The following PKP4 variants were observed in gnomAD, a reference collection of about 807,000 sequenced individuals.
The protein encoded by PKP4 is plakophilin 4.
Under a neutral mutation model 145.1 loss-of-function variants are expected in PKP4, and 90 were observed. The observed-to-expected ratio is 0.62, with a 90% CI of 0.52 to 0.74. The LOEUF is 0.74. Ranked by LOEUF, PKP4 falls within the 30% of genes least tolerant of loss-of-function variation. The pLI, the probability that PKP4 is intolerant of heterozygous loss-of-function variation, is 0.00. For missense variants in PKP4, 1,340 were observed against 1,482.7 expected (o/e 0.90, Z 1.58); for synonymous variants, 563 against 577.2 (o/e 0.98, Z 0.35).
chr2:158,666,375 C>G, intron 15 of PKP4, 38 bp from the exon 16 acceptor site: 1 of 1,509,896 alleles, frequency 6.6e-7, no homozygotes, highest in Non-Finnish European at 8.8e-7. Context: ...GACTGGAACT[C>G]TGTTTTATGT....
intron 1 of PKP4, among the ~76,000 whole-genome samples, chr2:158,480,929 C>G (rs1349785185): frequency 6.6e-6 from 1 of 152,146 alleles, no homozygotes; most frequent in Non-Finnish European, 1.5e-5. Flanking sequence ...ATGGATTCGC[C>G]TCTTCTGGAC....
At chr2:158,605,590 TTTTC>T (rs1181921758) in intron 4 of PKP4, among the ~76,000 whole-genome samples, 6 of 152,272 alleles carry the variant, frequency 3.9e-5, no homozygotes, top group African/African-American at 9.6e-5. Flanking sequence ...CTTAACAGCC[TTTTC>T]TTTCTTTATG....
At position 158,628,784 on chromosome 2, in the gene PKP4, G is replaced by A. The variant is rs186143747; in HGVS notation, c.1154-2969G>A. Among the ~76,000 whole-genome samples the A allele has an allele frequency of 1.2e-4, 18 of 152,268 alleles. No individual in the cohort carries two copies. In the South Asian group the frequency reaches 1.5e-3, roughly 12 times the overall value. On this transcript the variant is annotated intron_variant, in intron 7 of 21. Coordinates refer to ENST00000389759, the MANE Select transcript of PKP4 (RefSeq NM_003628.6). Reference sequence around the variant, plus strand: ...AAAATGAGAATATAACATTGTAATCGTGGTGCAGAATGCTTTGTCTTATTT... The same window carrying A: ...AAAATGAGAATATAACATTGTAATCATGGTGCAGAATGCTTTGTCTTATTT...
chr2:158,626,971 A>G (rs1186515960), intron 7 of PKP4, among the ~76,000 whole-genome samples: 2 of 152,142 alleles, frequency 1.3e-5, no homozygotes, highest in Admixed American at 6.5e-5. Context: ...ACATTCTTAC[A>G]TAGTAAAATT....
chr2:158,474,383 C>T (rs1451456411), intron 1 of PKP4, among the ~76,000 whole-genome samples: 1 of 152,150 alleles, frequency 6.6e-6, no homozygotes, highest in African/African-American at 2.4e-5. Flanking sequence ...ACCAAAAGAT[C>T]TAGGCTGTGT....
intron 1 of PKP4, among the ~76,000 whole-genome samples, chr2:158,482,683 C>A (rs7570914): frequency 0.91 from 138,147 of 152,122 alleles, 62,815 homozygotes; most frequent in East Asian, 0.98. Flanking sequence ...AAAAAATAAG[C>A]AAATTAACTG....
chr2:158,561,936 AC>A (rs1203000284), intron 2 of PKP4, among the ~76,000 whole-genome samples: 520 of 41,646 alleles, frequency 0.012, 3 homozygotes, highest in African/African-American at 0.041. Context: ...CCAGCCCCCC[AC>A]CCCCCGACAG....
chr2:158,603,058 CT>C lies in PKP4; in HGVS notation c.246-7del, dbSNP rs780796716. 6.8e-7 allele frequency: 1 copy of C among 1,467,070 alleles called. No homozygotes were observed. The highest frequency in any genetic ancestry group is 9.2e-7 in the Non-Finnish European group (1 of 1,083,644). 90.9% of individuals were successfully genotyped at this position (1,467,070 alleles called of 1,614,324 possible). ...AAATAAATGTTCCATTTTTTTCTTT[CT>C]TTTTCTTTAGCTCAACTGAGAAGTC... On this transcript the variant is annotated splice_polypyrimidine_tract_variant and intron_variant, in intron 3 of 21. Transcript: ENST00000389759.
intron 2 of PKP4, among the ~76,000 whole-genome samples, chr2:158,545,725 G>T (rs2044970978): frequency 6.6e-6 from 1 of 152,064 alleles, no homozygotes; most frequent in Non-Finnish European, 1.5e-5. Context: ...GTAAACTGAT[G>T]ATGAGATTTC....
At position 158,512,746 on chromosome 2, in the gene PKP4, C is replaced by T. The variant is rs547278886; in HGVS notation, c.-5-20434C>T. Among the ~76,000 whole-genome samples the T allele has an allele frequency of 5.9e-5, 9 of 152,290 alleles. No individual in the cohort carries two copies. In the East Asian group the frequency reaches 1.7e-3, roughly 29 times the overall value. ...CAACCACCAGTACTGACAAGACCTCCCTAAAGTCACATCACAGAACTTTGA... is the reference window on the plus strand; with the variant it reads ...CAACCACCAGTACTGACAAGACCTCTCTAAAGTCACATCACAGAACTTTGA... On this transcript the variant is annotated intron_variant, in intron 1 of 21. Transcript: ENST00000389759.
chr2:158,607,754 T>C (rs765421028), intron 4 of PKP4, among the ~76,000 whole-genome samples: 1 of 152,132 alleles, frequency 6.6e-6, no homozygotes, highest in Non-Finnish European at 1.5e-5. Context: ...TTGTGGATTT[T>C]TAATTACCAA....
intron 2 of PKP4, among the ~76,000 whole-genome samples, chr2:158,547,824 C>G (rs1445593119): frequency 6.6e-6 from 1 of 151,774 alleles, no homozygotes; most frequent in Non-Finnish European, 1.5e-5. Flanking sequence ...ATATTGGGCA[C>G]TCATAAAATA....
chr2:158,654,352 T>C (rs998229871), intron 11 of PKP4, among the ~76,000 whole-genome samples: 1 of 152,212 alleles, frequency 6.6e-6, no homozygotes, highest in African/African-American at 2.4e-5. Flanking sequence ...ACATTTTTTT[T>C]TGGAAGTTGC....
intron 1 of PKP4, among the ~76,000 whole-genome samples, chr2:158,514,136 A>C (rs973648236): frequency 6.6e-6 from 1 of 152,210 alleles, no homozygotes; most frequent in African/African-American, 2.4e-5. Context: ...AAACACAGAT[A>C]TGTTGTCATA....
At chr2:158,620,307 TTGAA>T (rs1411760882) in intron 4 of PKP4, among the ~76,000 whole-genome samples, 1 of 152,066 alleles carries the variant, frequency 6.6e-6, no homozygotes, top group Non-Finnish European at 1.5e-5. Flanking sequence ...AAACAGAAGT[TTGAA>T]TGGGGTTTGT....
chr2:158,533,172 G>C lies in PKP4; in HGVS notation c.-5-8G>C, dbSNP rs374949551. On this transcript the variant is annotated splice_region_variant and splice_polypyrimidine_tract_variant and intron_variant, in intron 1 of 21. Transcript: ENST00000389759. ...GAAAGTGTTAACCCTTTGCCTGCTTGATTGCAGGAGGAATGCCAGCTCCTG... is the reference window on the plus strand; with the variant it reads ...GAAAGTGTTAACCCTTTGCCTGCTTCATTGCAGGAGGAATGCCAGCTCCTG... The C allele has an allele frequency of 9.3e-6, 15 of 1,606,802 alleles. No individual in the cohort carries two copies. The African/African-American group carries it at 2.0e-4, about 22-fold the overall frequency.
At chr2:158,678,340 G>A (rs1382919317) in intron 20 of PKP4, among the ~76,000 whole-genome samples, 2 of 152,168 alleles carry the variant, frequency 1.3e-5, no homozygotes, top group African/African-American at 4.8e-5. Flanking sequence ...TTGCTTTTTG[G>A]GGAAACACAC....
chr2:158,532,647 C>T (rs1285360543), intron 1 of PKP4, among the ~76,000 whole-genome samples: 1 of 131,126 alleles, frequency 7.6e-6, no homozygotes, highest in Non-Finnish European at 1.7e-5. Context: ...CCTATTCTAT[C>T]ATAAGCTATG....
At chr2:158,650,243 A>G (rs563259466) in intron 11 of PKP4, among the ~76,000 whole-genome samples, 202 of 152,324 alleles carry the variant, frequency 1.3e-3, no homozygotes, top group Non-Finnish European at 2.5e-3. Context: ...CATATGGGCA[A>G]TTCTCAGTCA....
Sources: gnomAD v4.1 joint callset for allele counts (sites outside exome capture counted in the v4.1 genomes callset) on GRCh38, gnomAD v4.1.1 for gene constraint, MANE v1.5 for transcripts, NCBI Gene and HGNC (gene_info 2026-07-23, HGNC 2026-07-21) for gene names.